Variants in CLOCK observed in about 807,000 individuals in gnomAD.
CLOCK encodes the protein circadian locomoter output cycles protein kaput.
A neutral mutation model predicts 118.4 loss-of-function variants in CLOCK; 43 were observed. The observed-to-expected ratio is 0.36, with a 90% CI of 0.28 to 0.47. The LOEUF is 0.47. Ranked by LOEUF, CLOCK falls within the 20% of genes least tolerant of loss-of-function variation. The pLI, the probability that CLOCK is intolerant of heterozygous loss-of-function variation, is 1.00. For missense variants in CLOCK, 846 were observed against 999.9 expected (o/e 0.85, Z 2.08); for synonymous variants, 326 against 339.2 (o/e 0.96, Z 0.43).
chr4:55,482,953 G>GAA (rs1727031857), intron 3 of CLOCK, 125 bp from the exon 4 acceptor site: 4 of 458,550 alleles, frequency 8.7e-6, no homozygotes, highest in Middle Eastern at 4.7e-4. Flanking sequence ...CTGAAGATCA[G>GAA]AACATTATTT....
At chr4:55,544,165 GACACACACACACACACAC>G (rs35842826) in intron 1 of CLOCK, among the ~76,000 whole-genome samples, 3 of 148,096 alleles carry the variant, frequency 2.0e-5, no homozygotes, top group Admixed American at 6.7e-5. Flanking sequence ...GAAACAACCA[GACACACACACACACACAC>G]ACACACACAC....
chr4:55,453,576 A>G, intron 14 of CLOCK, 101 bp downstream of exon 14: 1 of 903,370 alleles, frequency 1.1e-6, no homozygotes, highest in Non-Finnish European at 1.7e-6. Context: ...TTGAGAAAAG[A>G]GCACTTTGTA....
chr4:55,499,290 T>C (rs1728279513), intron 2 of CLOCK, among the ~76,000 whole-genome samples: 1 of 152,200 alleles, frequency 6.6e-6, no homozygotes, highest in South Asian at 2.1e-4. Flanking sequence ...GATTCTAGGT[T>C]CCATTAACAT....
intron 13 of CLOCK, among the ~76,000 whole-genome samples, chr4:55,455,477 A>G (rs1301957805): frequency 6.6e-6 from 1 of 152,234 alleles, no homozygotes; most frequent in African/African-American, 2.4e-5. Context: ...AATAATAAGC[A>G]GATAACACCA....
At chr4:55,439,239 T>C (rs1165755499) in intron 21 of CLOCK, among the ~76,000 whole-genome samples, 4 of 152,044 alleles carry the variant, frequency 2.6e-5, no homozygotes, top group African/African-American at 9.7e-5. Flanking sequence ...GATACACAAA[T>C]GGCTAATAAG....
At chr4:55,518,136 G>A (rs1355650267) in intron 1 of CLOCK, among the ~76,000 whole-genome samples, 2 of 152,148 alleles carry the variant, frequency 1.3e-5, no homozygotes, top group African/African-American at 4.8e-5. Context: ...AGCTTTAAAA[G>A]GATAACCTGA....
chr4:55,512,853 A>G (rs1200120808), intron 1 of CLOCK, among the ~76,000 whole-genome samples: 1 of 152,188 alleles, frequency 6.6e-6, no homozygotes, highest in East Asian at 1.9e-4. Flanking sequence ...TCTGTGAACC[A>G]TTAGTTGACT....
chr4:55,526,671 G>A (rs138704479), intron 1 of CLOCK, among the ~76,000 whole-genome samples: 10 of 152,094 alleles, frequency 6.6e-5, no homozygotes, highest in Admixed American at 2.6e-4. Context: ...GCTCTAGGCC[G>A]GGCACGGTGG....
In CLOCK at chr4:55,438,331, T is replaced by C; in HGVS notation, c.2312A>G (p.Gln771Arg). 6.2e-7 allele frequency: 1 copy of C among 1,614,106 alleles called. No homozygotes were observed. Residue 771 changes from glutamine to arginine, a missense_variant, in exon 22 of 23, where the codon CAG becomes CGG. Around this residue, in one of 4 missense-constraint regions of CLOCK, gnomAD observed 520 missense variants for 558.0 expected, o/e 0.93. Coordinates refer to ENST00000513440, the MANE Select transcript of CLOCK (RefSeq NM_004898.4). ...GGTCAGCTGAGCCTGAGATGGTTGC[T>C]GAACTGAAGTGAGCTGCTGCTCCTG... Reference protein sequence around the residue: ...SSQEQQLTSVQQPSQAQLTQP... With the variant: ...SSQEQQLTSVRQPSQAQLTQP...
At position 55,434,433 on chromosome 4, in the gene CLOCK, A is replaced by G. The variant is rs1226309177; in HGVS notation, c.*982T>C. ...GGCTTGTTGAAAACCATTTACGCAA[A>G]TATTTCCAACTATGAACTATAACAA... On this transcript the variant is annotated 3_prime_UTR_variant, in exon 23 of 23. Coordinates refer to ENST00000513440, the MANE Select transcript of CLOCK (RefSeq NM_004898.4). 7 of 152,636 alleles carry G rather than the reference A, an allele frequency of 4.6e-5. No individual in the cohort carries two copies. The highest frequency in any genetic ancestry group is 7.2e-5 in the African/African-American group (3 of 41,460). 9.5% of individuals were successfully genotyped at this position (152,636 alleles called of 1,614,324 possible).
intron 17 of CLOCK, 34 bp downstream of exon 17, chr4:55,449,362 C>T: frequency 2.6e-6 from 4 of 1,533,562 alleles, no homozygotes; most frequent in Non-Finnish European, 2.7e-6. Flanking sequence ...CTTAATAAAT[C>T]TTTATTCAGA....
At position 55,481,978 on chromosome 4, in the gene CLOCK, T is replaced by C. The variant is rs909064093; in HGVS notation, c.47+761A>G. On this transcript the variant is annotated intron_variant, in intron 4 of 22. Transcript: ENST00000513440. ...GGATTATATCAAATTTAAGATATTATTGACTGTTAAGATCACCACTATTTT... is the reference window on the plus strand; with the variant it reads ...GGATTATATCAAATTTAAGATATTACTGACTGTTAAGATCACCACTATTTT... 1.1e-4 allele frequency among the ~76,000 whole-genome samples: 16 copies of C among 152,340 alleles called. No homozygotes were observed. In the South Asian group the frequency reaches 1.4e-3, roughly 14 times the overall value.
Position 55,464,100 on chromosome 4 carries a change from C to A in CLOCK, c.439-295G>T, listed in dbSNP as rs17085783. Among the ~76,000 whole-genome samples the A allele has an allele frequency of 9.7e-3, 1,475 of 152,304 alleles. 28 individuals are homozygous for A. Among genetic ancestry groups the A allele is most frequent in the African/African-American group, 0.034 (1,407 of 41,556 alleles). ...GACCAAGAGAGTTAATAAGAAAAAT[C>A]TCTGGCGACAAGTCATAGCCTTACC... On this transcript the variant is annotated intron_variant, in intron 8 of 22. Coordinates refer to ENST00000513440, the MANE Select transcript of CLOCK (RefSeq NM_004898.4).
At chr4:55,440,819 C>T (rs935924430) in intron 21 of CLOCK, among the ~76,000 whole-genome samples, 8 of 152,140 alleles carry the variant, frequency 5.3e-5, no homozygotes, top group Non-Finnish European at 1.2e-4. Context: ...TCCCTCTGCC[C>T]AGAATGCCTC....
intron 21 of CLOCK, among the ~76,000 whole-genome samples, 190 bp from the exon 22 acceptor site, chr4:55,438,727 A>G (rs1723099991): frequency 1.3e-5 from 2 of 152,212 alleles, no homozygotes; most frequent in South Asian, 4.1e-4. Context: ...CAAAAAATTC[A>G]TACAGCAAGA....
chr4:55,498,232 C>G (rs1254654853), intron 2 of CLOCK, among the ~76,000 whole-genome samples: 2 of 152,182 alleles, frequency 1.3e-5, no homozygotes, highest in Non-Finnish European at 2.9e-5. Flanking sequence ...TTCAAGGCCA[C>G]AAGTATTCCC....
rs746034427 is a variant in CLOCK at position 55,449,388 on chromosome 4, G to C, written c.1449+8C>G. 15 of 1,607,424 alleles carry C rather than the reference G, an allele frequency of 9.3e-6. No individual in the cohort carries two copies. Among genetic ancestry groups the C allele is most frequent in the Non-Finnish European group, 1.3e-5 (15 of 1,174,154 alleles). On this transcript the variant is annotated splice_region_variant and intron_variant, in intron 17 of 22. Coordinates refer to ENST00000513440, the MANE Select transcript of CLOCK (RefSeq NM_004898.4). ...TTTATTCAGAAGAATATCCACTAAA[G>C]AGCTTACCTGACTACTAAATGATGA...
chr4:55,456,150 G>A (rs1449658055), intron 12 of CLOCK, 68 bp downstream of exon 12: 3 of 1,379,740 alleles, frequency 2.2e-6, no homozygotes, highest in East Asian at 4.8e-5. Context: ...GTTTGCCCTT[G>A]ATCCATTAAT....
At chr4:55,522,421 C>T (rs1729900631) in intron 1 of CLOCK, among the ~76,000 whole-genome samples, 1 of 151,118 alleles carries the variant, frequency 6.6e-6, no homozygotes, top group African/African-American at 2.4e-5. Context: ...AGATTAGTAT[C>T]CAAAGTTCGT....
Sources: allele counts gnomAD v4.1 joint callset (sites outside exome capture counted in the v4.1 genomes callset), GRCh38; gene constraint gnomAD v4.1.1; regional missense constraint gnomAD v4.1.1; transcripts MANE v1.5; gene names NCBI Gene and HGNC (gene_info 2026-07-23, HGNC 2026-07-21).